The following LRBA variants were observed in gnomAD, a reference collection of about 807,000 sequenced individuals.
LRBA encodes the protein lipopolysaccharide-responsive and beige-like anchor protein.
LRBA carries 176 observed loss-of-function variants against 330.0 expected under a neutral mutation model. That is an observed-to-expected ratio of 0.53 (90% CI 0.47 to 0.60). The LOEUF (loss-of-function observed/expected upper bound fraction) is 0.60, where lower values mean the gene tolerates loss of function less well. Ranked by LOEUF, LRBA falls within the 20% of genes least tolerant of loss-of-function variation. LRBA has a pLI of 0.00. For synonymous variants in LRBA, 1,230 were observed against 1,193.0 expected, an observed-to-expected ratio of 1.03 and a Z score of -0.64; for missense variants, 3,259 against 3,444.8, an observed-to-expected ratio of 0.95 and a Z score of 1.35.
intron 41 of LRBA, among the ~76,000 whole-genome samples, chr4:150,489,075 A>T (rs1310755245): frequency 5.9e-5 from 4 of 68,258 alleles, no homozygotes; most frequent in Non-Finnish European, 1.1e-4. Context: ...AATATATTAT[A>T]TATAATATTA....
intron 47 of LRBA, among the ~76,000 whole-genome samples, chr4:150,353,807 T>C (rs1737481438): frequency 6.6e-6 from 1 of 152,188 alleles, no homozygotes; most frequent in African/African-American, 2.4e-5. Flanking sequence ...CTTCCAGAAG[T>C]TGATAAACAC....
chr4:150,403,426 C>T (rs1745764244), intron 47 of LRBA, among the ~76,000 whole-genome samples: 1 of 152,168 alleles, frequency 6.6e-6, no homozygotes, highest in Non-Finnish European at 1.5e-5. Context: ...CTGTAACTGG[C>T]AGCACACTAC....
intron 35 of LRBA, among the ~76,000 whole-genome samples, chr4:150,759,508 G>A (rs966805523): frequency 7.9e-5 from 12 of 152,004 alleles, no homozygotes; most frequent in African/African-American, 2.4e-4. Flanking sequence ...TGTGCTTCAA[G>A]TGCTTGCTCC....
chr4:150,950,449 C>T (rs867614224), intron 2 of LRBA, among the ~76,000 whole-genome samples: 17 of 152,126 alleles, frequency 1.1e-4, no homozygotes, highest in Middle Eastern at 6.8e-3. Flanking sequence ...TCCAAACTAC[C>T]TGTATTTTAA....
At chr4:150,931,155 T>C (rs1326406784) in intron 2 of LRBA, among the ~76,000 whole-genome samples, 1 of 152,080 alleles carries the variant, frequency 6.6e-6, no homozygotes, top group African/African-American at 2.4e-5. Context: ...ATTTCGAACA[T>C]TCAAAAAAAG....
At chr4:150,822,086 TAAGAAAA>T in intron 30 of LRBA, among the ~76,000 whole-genome samples, 1 of 147,766 alleles carries the variant, frequency 6.8e-6, no homozygotes, top group Admixed American at 6.6e-5. Context: ...GGTCTCTAAA[TAAGAAAA>T]AAAAAGAGGG....
Position 150,809,909 on chromosome 4 carries a change from C to CGATACGATAT in LRBA, c.5306-1512_5306-1511insATATCGTATC, listed in dbSNP as rs1560850259. Among the ~76,000 whole-genome samples the CGATACGATAT allele has an allele frequency of 5.3e-5, 8 of 151,234 alleles. No individual in the cohort carries two copies. The East Asian group carries it at 1.6e-3, about 29-fold the overall frequency. ...CGATACGATACGATACGATACGATA[C>CGATACGATAT]GATACGATACGATACGATACGATAC... is the stretch of plus-strand genomic sequence containing the variant. On this transcript the variant is annotated intron_variant, in intron 31 of 56. Coordinates refer to ENST00000651943, the MANE Select transcript of LRBA (RefSeq NM_001364905.1).
In LRBA at chr4:150,420,511, AATAT is replaced by A. The variant is rs529714529; in HGVS notation, c.7042-4925_7042-4922del. ...ATAAAGTATATATAATACACATTAT[AATAT>A]ATATAAAGTATATATAATACACATT... On this transcript the variant is annotated intron_variant, in intron 46 of 56. Transcript: ENST00000651943. Among the ~76,000 whole-genome samples the A allele has an allele frequency of 2.3e-4, 17 of 73,494 alleles. 2 individuals are homozygous for A. The highest frequency in any genetic ancestry group is 9.8e-4 in the African/African-American group (17 of 17,302). 48.2% of individuals were successfully genotyped at this position (73,494 alleles called of 152,430 possible).
chr4:150,798,690 T>C (rs1021707335), intron 33 of LRBA, among the ~76,000 whole-genome samples: 5 of 152,226 alleles, frequency 3.3e-5, no homozygotes, highest in Non-Finnish European at 5.9e-5. Context: ...TCTTATAAAT[T>C]AATTCATTTA....
intron 44 of LRBA, among the ~76,000 whole-genome samples, chr4:150,445,583 A>G (rs1752525955): frequency 6.6e-6 from 1 of 152,054 alleles, no homozygotes; most frequent in African/African-American, 2.4e-5. Flanking sequence ...TTCCAAATCC[A>G]TAAAGATTAG....
chr4:150,970,566 C>CGTGT (rs1561074366), intron 2 of LRBA: 1 of 142,558 alleles, frequency 7.0e-6, no homozygotes, highest in African/African-American at 2.6e-5. Flanking sequence ...TACACACACA[C>CGTGT]ACACACACAC....
intron 2 of LRBA, among the ~76,000 whole-genome samples, chr4:150,990,994 A>G (rs1013694590): frequency 4.6e-5 from 7 of 151,228 alleles, no homozygotes; most frequent in African/African-American, 1.7e-4. Context: ...GGGAGGTTGC[A>G]CTGAGCTGAG....
intron 33 of LRBA, among the ~76,000 whole-genome samples, chr4:150,803,074 AAAT>A (rs1326043952): frequency 1.7e-5 from 2 of 119,900 alleles, no homozygotes; most frequent in African/African-American, 7.5e-5. Context: ...AACAAAAAAA[AAAT>A]ATATATACAC....
chr4:150,968,314 A>AG (rs1739140675), intron 2 of LRBA, among the ~76,000 whole-genome samples: 2 of 152,174 alleles, frequency 1.3e-5, no homozygotes, highest in Non-Finnish European at 2.9e-5. Context: ...CACATCTCTC[A>AG]TTTTAAGTAA....
At chr4:150,752,759 T>C (rs1461840848) in intron 35 of LRBA, among the ~76,000 whole-genome samples, 3 of 152,158 alleles carry the variant, frequency 2.0e-5, no homozygotes, top group African/African-American at 4.8e-5. Flanking sequence ...TGATAATCCC[T>C]AGTTGAACAT....
At chr4:150,749,490 T>C (rs1295713512) in intron 35 of LRBA, among the ~76,000 whole-genome samples, 1 of 152,156 alleles carries the variant, frequency 6.6e-6, no homozygotes, top group Admixed American at 6.5e-5. Flanking sequence ...CCCCAGTGAC[T>C]CATGCCTATA....
intron 37 of LRBA, among the ~76,000 whole-genome samples, chr4:150,681,094 T>G (rs1783017889): frequency 6.6e-6 from 1 of 152,218 alleles, no homozygotes. Context: ...AAATTATACT[T>G]AATTTAATCC....
intron 52 of LRBA, 82 bp downstream of exon 52, chr4:150,310,147 G>T: frequency 1.1e-6 from 1 of 913,442 alleles, no homozygotes; most frequent in Non-Finnish European, 1.7e-6. Context: ...TTTTTGGAAG[G>T]AAGCAGATAA....
At position 150,828,432 on chromosome 4, in the gene LRBA, A is replaced by G. The variant is rs773862243; in HGVS notation, c.4919T>C (p.Val1640Ala). 84 of 1,613,964 alleles carry G rather than the reference A, an allele frequency of 5.2e-5. No homozygotes were observed. The highest frequency in any genetic ancestry group is 7.1e-5 in the Non-Finnish European group (84 of 1,180,014). The change falls in exon 30 of 57, where the codon GTG (valine) becomes GCG (alanine). Residue 1640 changes from valine to alanine, a missense_variant. By Grantham distance (64) the Val-to-Ala change is moderately conservative. Coordinates refer to ENST00000651943, the MANE Select transcript of LRBA (RefSeq NM_001364905.1). Reference protein sequence around the residue: ...VSAGPDAISEVLSTLSLEVNK... With the variant: ...VSAGPDAISEALSTLSLEVNK... ...GACTTCTAAAGAAAGAGTAGATAGCACCTCGCTGATTGCATCTGGGCCTGC... is the reference window on the plus strand; with the variant it reads ...GACTTCTAAAGAAAGAGTAGATAGCGCCTCGCTGATTGCATCTGGGCCTGC...
Sources: gnomAD v4.1 joint callset for allele counts (sites outside exome capture counted in the v4.1 genomes callset) on GRCh38, gnomAD v4.1.1 for gene constraint, MANE v1.5 for transcripts, NCBI Gene and HGNC (gene_info 2026-07-23, HGNC 2026-07-21) for gene names.